Variants in TP73 observed in about 807,000 individuals in gnomAD.
TP73 encodes p53-like transcription factor.
In TP73, 25 loss-of-function variants were observed where a neutral mutation model predicts 62.5. That is an observed-to-expected ratio of 0.40 (90% CI 0.29 to 0.56). The LOEUF (loss-of-function observed/expected upper bound fraction) is 0.56, where lower values mean the gene tolerates loss of function less well. TP73 is among the 20% of genes least tolerant of loss of function. The pLI is 0.46. For missense variants in TP73, 754 were observed against 913.3 expected (o/e 0.83, Z 2.25); for synonymous variants, 423 against 377.5 (o/e 1.12, Z -1.40).
chr1:3,717,798 T>G (rs996469777), intron 4 of TP73, among the ~76,000 whole-genome samples: 3 of 152,172 alleles, frequency 2.0e-5, no homozygotes, highest in African/African-American at 7.2e-5. Flanking sequence ...CACCCCCAGA[T>G]GCTGCCAGGG....
rs967177457 is a variant in TP73, at chr1:3,672,643, C to T, written c.-33-9690C>T. ...GGTCCTCTGGGTCTTCTTCCTGTGCCCACTGTGCTGGTCTGAACCTCCCTT... is the reference window on the plus strand; with the variant it reads ...GGTCCTCTGGGTCTTCTTCCTGTGCTCACTGTGCTGGTCTGAACCTCCCTT... On this transcript the variant is annotated intron_variant, in intron 1 of 13. Coordinates refer to ENST00000378295, the MANE Select transcript of TP73 (RefSeq NM_005427.4). This position sits in a 1 kb window ranked among gnomAD's most constrained non-coding sequence, Gnocchi z 5.3. 6.6e-6 allele frequency among the ~76,000 whole-genome samples: 1 copy of T among 151,920 alleles called. No homozygotes were observed. The highest frequency in any genetic ancestry group is 1.5e-5 in the Non-Finnish European group (1 of 67,956).
Position 3,733,649 on chromosome 1 carries a change from T to C in TP73, c.*570T>C. 6.4e-6 allele frequency: 1 copy of C among 156,946 alleles called. No individual in the cohort carries two copies. Among genetic ancestry groups the C allele is most frequent in the Non-Finnish European group, 1.4e-5 (1 of 69,654 alleles). The allele number at this position is 156,946 out of a possible 1,614,324, so 9.7% of individuals were successfully genotyped here. A position where few individuals can be genotyped will look rare whatever the true frequency, so the allele number is the denominator to read the frequency against. ...CTCTCTGCTGGACTTGGGACTGGCC[T>C]CTGCCCCCAGCACGCTGTATTCTGC... On this transcript the variant is annotated 3_prime_UTR_variant, in exon 14 of 14. Coordinates refer to ENST00000378295, the MANE Select transcript of TP73 (RefSeq NM_005427.4).
intron 1 of TP73, among the ~76,000 whole-genome samples, chr1:3,664,897 C>T (rs970527958): frequency 6.6e-6 from 1 of 152,140 alleles, no homozygotes; most frequent in African/African-American, 2.4e-5. Context: ...ATAAGGTGCA[C>T]GATTCAGTGG....
Position 3,722,074 on chromosome 1 carries a change from C to T in TP73, c.483C>T (p.Ile161=), listed in dbSNP as rs551572334. 109 of 1,612,968 alleles carry T rather than the reference C, an allele frequency of 6.8e-5. No homozygotes were observed. The South Asian group carries it at 1.1e-3, about 16-fold the overall frequency. ...GCCAGATCGCCAAGACATGCCCCAT[C>T]CAGATCAAGGTGTCCACCCCGCCAC... is the stretch of plus-strand genomic sequence containing the variant. ...LYCQIAKTCP[I]QIKVSTPPPP... The change falls in exon 5 of 14, where the codon ATC becomes ATT. Residue 161 remains isoleucine (I), a synonymous_variant. Coordinates refer to ENST00000378295, the MANE Select transcript of TP73 (RefSeq NM_005427.4).
At chr1:3,656,501 C>T (rs1430781765) in intron 1 of TP73, among the ~76,000 whole-genome samples, 1 of 152,150 alleles carries the variant, frequency 6.6e-6, no homozygotes, top group Admixed American at 6.5e-5. Flanking sequence ...ACATTTTTTT[C>T]CCTGTAATCC....
chr1:3,716,793 T>C (rs1256762580), intron 4 of TP73, among the ~76,000 whole-genome samples: 2 of 152,250 alleles, frequency 1.3e-5, no homozygotes, highest in East Asian at 3.9e-4. Flanking sequence ...GCATGTGTTT[T>C]AGGGGGTCCA....
At chr1:3,728,329 G>C (rs1302077181) in intron 9 of TP73, 112 bp downstream of exon 9, 2 of 1,123,734 alleles carry the variant, frequency 1.8e-6, no homozygotes, top group Non-Finnish European at 2.6e-6. Context: ...GAGGGGGCGG[G>C]AGGAGCCCAG....
rs1052800031 is a variant in TP73 at position 3,670,103 on chromosome 1, C to T, written c.-33-12230C>T. 6.6e-6 allele frequency among the ~76,000 whole-genome samples: 1 copy of T among 151,908 alleles called. No individual in the cohort carries two copies. Among genetic ancestry groups the T allele is most frequent in the Admixed American group, 6.6e-5 (1 of 15,250 alleles). On this transcript the variant is annotated intron_variant, in intron 1 of 13. Coordinates refer to ENST00000378295, the MANE Select transcript of TP73 (RefSeq NM_005427.4). This position sits in a 1 kb window ranked among gnomAD's most constrained non-coding sequence, Gnocchi z 5.9. ...CTGGATGGGCATGTGGCTCGGGGGG[C>T]GAGACCATGGGCTCTTCCTGGCTTG...
intron 3 of TP73, among the ~76,000 whole-genome samples, chr1:3,691,827 C>T (rs1029292394): frequency 1.3e-5 from 2 of 152,320 alleles, no homozygotes; most frequent in South Asian, 2.1e-4. Flanking sequence ...CCAAGTGCCC[C>T]GAAGCTCTGC....
chr1:3,695,800 G>T (rs533615202), intron 3 of TP73, among the ~76,000 whole-genome samples: 8 of 152,224 alleles, frequency 5.3e-5, no homozygotes, highest in Middle Eastern at 3.2e-3. Context: ...TAGACCACAG[G>T]GGGGCAGGGC....
At chr1:3,690,716 A>T in intron 3 of TP73, 1 of 1,431,318 alleles carries the variant, frequency 7.0e-7, no homozygotes, top group Non-Finnish European at 9.1e-7. Context: ...GAAAAGCGAA[A>T]ATGCCAACAA....
chr1:3,719,121 C>T (rs1043112847), intron 4 of TP73, among the ~76,000 whole-genome samples: 13 of 152,010 alleles, frequency 8.6e-5, no homozygotes, highest in Non-Finnish European at 1.3e-4. Flanking sequence ...CCACCCCGGC[C>T]GGGGTCTGTT....
chr1:3,664,737 T>C (rs977383735), intron 1 of TP73, among the ~76,000 whole-genome samples: 9 of 152,246 alleles, frequency 5.9e-5, no homozygotes, highest in East Asian at 1.9e-4. Context: ...GCAGGGGTTG[T>C]AGAGTCTGTG....
chr1:3,674,689 G>A (rs1391873813), intron 1 of TP73, among the ~76,000 whole-genome samples: 2 of 152,230 alleles, frequency 1.3e-5, no homozygotes, highest in South Asian at 2.1e-4. Context: ...CACTCCGGGG[G>A]ACCCCTGTCC....
At chr1:3,727,435 G>A in intron 7 of TP73, 193 bp from the exon 8 acceptor site, 1 of 969,660 alleles carries the variant, frequency 1.0e-6, no homozygotes, top group Non-Finnish European at 1.5e-6. Flanking sequence ...TCCCCGGCGA[G>A]GTCTCAGGGC....
chr1:3,665,120 G>C (rs1444426535), intron 1 of TP73, among the ~76,000 whole-genome samples: 2 of 152,138 alleles, frequency 1.3e-5, no homozygotes, highest in Admixed American at 1.3e-4. Flanking sequence ...GTCTTTGCCG[G>C]CTGCATCATG....
At chr1:3,683,011 G>A (rs775452853) in intron 2 of TP73, 49 bp from the exon 3 acceptor site, 15 of 1,569,768 alleles carry the variant, frequency 9.6e-6, no homozygotes, top group Non-Finnish European at 1.1e-5. Context: ...GTATTGGGGT[G>A]ACACCCAAAC....
At chr1:3,731,182 A>G in intron 12 of TP73, 117 bp downstream of exon 12, 1 of 1,418,892 alleles carries the variant, frequency 7.0e-7, no homozygotes, top group East Asian at 2.4e-5. Context: ...GCAACCCTGG[A>G]TCAGACAGGC....
rs1013425768 is a variant in TP73 at position 3,699,735 on chromosome 1, C to T, written c.187-7814C>T. Among the ~76,000 whole-genome samples, 24 of 152,078 alleles carry T rather than the reference C, an allele frequency of 1.6e-4. No homozygotes were observed. Among genetic ancestry groups the T allele is most frequent in the Non-Finnish European group, 2.1e-4 (14 of 68,012 alleles). Reference sequence around the variant, plus strand: ...ATGCCGGGCGGGGAGCAGGGATGCTCGGGCGGGGGCAGGAGCTGGAGAGGT... The same window carrying T: ...ATGCCGGGCGGGGAGCAGGGATGCTTGGGCGGGGGCAGGAGCTGGAGAGGT... On this transcript the variant is annotated intron_variant, in intron 3 of 13. Transcript: ENST00000378295. The surrounding 1 kb of genome is among the most constrained non-coding windows in gnomAD (Gnocchi z 4.1).
Sources: allele counts gnomAD v4.1 joint callset (sites outside exome capture counted in the v4.1 genomes callset), GRCh38; gene constraint gnomAD v4.1.1; non-coding constraint Gnocchi (gnomAD v3.1); transcripts MANE v1.5; gene names NCBI Gene and HGNC (gene_info 2026-07-23, HGNC 2026-07-21).